Variants in SHISA2 observed in about 807,000 individuals in gnomAD.
SHISA2 encodes protein shisa-2 homolog.
Under a neutral mutation model 23.8 loss-of-function variants are expected in SHISA2, and 16 were observed. The observed-to-expected ratio is 0.67, with a 90% CI of 0.46 to 1.02. The LOEUF is 1.02. SHISA2 is among the 50% of genes least tolerant of loss of function. SHISA2 has a pLI of 0.00. For synonymous variants in SHISA2, 201 were observed against 178.6 expected, an observed-to-expected ratio of 1.13 and a Z score of -1.00; for missense variants, 459 against 420.1, an observed-to-expected ratio of 1.09 and a Z score of -0.81.
rs527583363 is a variant in SHISA2, at chr13:26,051,990, G to T, written c.-1015C>A. Among the ~76,000 whole-genome samples the T allele has an allele frequency of 8.8e-4, 134 of 151,836 alleles. No homozygotes were observed. Among genetic ancestry groups the T allele is most frequent in the Non-Finnish European group, 2.5e-4 (17 of 67,916 alleles). ...GCCGCCCACAGCCTCGCCTCGCCCC[G>T]CCCGGCGCCAGACCAGCTCCGACTC... On this transcript the variant is annotated 5_prime_UTR_variant, in exon 1 of 2. Transcript: ENST00000319420.
chr13:26,047,569 T>C (rs575829890), intron 1 of SHISA2, among the ~76,000 whole-genome samples: 11 of 152,352 alleles, frequency 7.2e-5, no homozygotes, highest in African/African-American at 2.2e-4. Flanking sequence ...AGTTCTTTTT[T>C]CATAAGCAGT....
At chr13:26,047,781 G>A (rs1455732836) in intron 1 of SHISA2, among the ~76,000 whole-genome samples, 1 of 152,088 alleles carries the variant, frequency 6.6e-6, no homozygotes, top group African/African-American at 2.4e-5. Flanking sequence ...TCCAGGCATT[G>A]GGCCATCCTG....
In SHISA2 at chr13:26,051,044, C is replaced by G; in HGVS notation, c.-69G>C. 1 of 1,325,410 alleles carries G rather than the reference C, an allele frequency of 7.5e-7. No individual in the cohort carries two copies. Among genetic ancestry groups the G allele is most frequent in the Non-Finnish European group, 9.8e-7 (1 of 1,016,824 alleles). The allele number at this position is 1,325,410 out of a possible 1,614,324, so 82.1% of individuals were successfully genotyped here. A position where few individuals can be genotyped will look rare whatever the true frequency, so the allele number is the denominator to read the frequency against. ...GACGGTCTCCGAGAAGTCGTGGCCC[C>G]GGCGACCCCCGGGCCTCGTCACTGA... On this transcript the variant is annotated 5_prime_UTR_variant, in exon 1 of 2. Transcript: ENST00000319420.
rs999832894 is a variant in SHISA2 at position 26,045,154 on chromosome 13, T to C, written c.*1359A>G. 6.6e-6 allele frequency: 1 copy of C among 152,216 alleles called. No individual in the cohort carries two copies. The highest frequency in any genetic ancestry group is 2.4e-5 in the African/African-American group (1 of 41,464). 9.4% of individuals were successfully genotyped at this position (152,216 alleles called of 1,614,324 possible). ...GCTGAGGAGCTATACTAAGTATCTT[T>C]GTAACACATTTCTTTGAATTTTTAT... On this transcript the variant is annotated 3_prime_UTR_variant, in exon 2 of 2. Coordinates refer to ENST00000319420, the MANE Select transcript of SHISA2 (RefSeq NM_001007538.2).
Position 26,046,544 on chromosome 13 carries a change from TCACTGTTG to T in SHISA2, c.849_856del (p.Asn284ThrfsTer56). ...AGTCACCGCTGGGTACATCTTCTGT[TCACTGTTG>T]GTGTGAGGGAAGGGGGACTGAATCT... is the stretch of plus-strand genomic sequence containing the variant. On this transcript the variant is annotated frameshift_variant, in exon 2 of 2. Coordinates refer to ENST00000319420, the MANE Select transcript of SHISA2 (RefSeq NM_001007538.2). LOFTEE classifies it high-confidence loss of function. 1 of 1,612,506 alleles carries T rather than the reference TCACTGTTG, an allele frequency of 6.2e-7. No homozygotes were observed. The highest frequency in any genetic ancestry group is 2.2e-5 in the East Asian group (1 of 44,860).
chr13:26,044,945 G>C lies in SHISA2; in HGVS notation c.*1568C>G, dbSNP rs1393316981. ...ATGAATACAGTGCCTGTTGAGGCCTGAAAGAGAGAGGAAATCAAGAACAGT... is the reference window on the plus strand; with the variant it reads ...ATGAATACAGTGCCTGTTGAGGCCTCAAAGAGAGAGGAAATCAAGAACAGT... On this transcript the variant is annotated 3_prime_UTR_variant, in exon 2 of 2. Coordinates refer to ENST00000319420, the MANE Select transcript of SHISA2 (RefSeq NM_001007538.2). The C allele has an allele frequency of 6.6e-6, 1 of 152,170 alleles. No individual in the cohort carries two copies. The highest frequency in any genetic ancestry group is 1.9e-4 in the East Asian group (1 of 5,194). The allele number at this position is 152,170 out of a possible 1,614,324, so 9.4% of individuals were successfully genotyped here.
In SHISA2 at chr13:26,046,415, C is replaced by T. The variant is rs188381953; in HGVS notation, c.*98G>A. On this transcript the variant is annotated 3_prime_UTR_variant, in exon 2 of 2. Coordinates refer to ENST00000319420, the MANE Select transcript of SHISA2 (RefSeq NM_001007538.2). ...GGCAAATGAAGCCATCCAAAGGAAT[C>T]GTGCCATAAATACCACCGACATGTG... The T allele has an allele frequency of 1.8e-3, 2,291 of 1,259,580 alleles. 5 individuals carry two copies. The highest frequency in any genetic ancestry group is 2.5e-3 in the Admixed American group (94 of 37,870). 78.0% of individuals were successfully genotyped at this position (1,259,580 alleles called of 1,614,324 possible).
intron 1 of SHISA2, among the ~76,000 whole-genome samples, chr13:26,048,891 T>G (rs1957282795): frequency 6.6e-6 from 1 of 152,198 alleles, no homozygotes; most frequent in Non-Finnish European, 1.5e-5. Flanking sequence ...CTTTAGCAGG[T>G]AGAAACATTT....
Position 26,046,421 on chromosome 13 carries a change from A to C in SHISA2, c.*92T>G. The C allele has an allele frequency of 1.5e-6, 2 of 1,354,454 alleles. No homozygotes were observed. Among genetic ancestry groups the C allele is most frequent in the Non-Finnish European group, 2.0e-6 (2 of 1,006,232 alleles). The allele number at this position is 1,354,454 out of a possible 1,614,324, so 83.9% of individuals were successfully genotyped here. On this transcript the variant is annotated 3_prime_UTR_variant, in exon 2 of 2. Transcript: ENST00000319420. ...TGAAGCCATCCAAAGGAATCGTGCCATAAATACCACCGACATGTGCGGACT... is the reference window on the plus strand; with the variant it reads ...TGAAGCCATCCAAAGGAATCGTGCCCTAAATACCACCGACATGTGCGGACT...
chr13:26,050,655 G>A lies in SHISA2; in HGVS notation c.321C>T (p.Pro107=), dbSNP rs1019526400. ...GEPGRADKDG[P]DGSAVPIYVP... is the part of the protein sequence containing the mutation. ...AGGCCGCCCTACCTGCCGAGCCGTC[G>A]GGGCCGTCTTTGTCCGCCCGGCCAG... Residue 107 remains proline, a synonymous_variant, in exon 1 of 2, where the codon CCC becomes CCT. Coordinates refer to ENST00000319420, the MANE Select transcript of SHISA2 (RefSeq NM_001007538.2). The A allele has an allele frequency of 1.4e-6, 2 of 1,420,018 alleles. No individual in the cohort carries two copies. The highest frequency in any genetic ancestry group is 3.0e-5 in the East Asian group (1 of 33,438). The allele number at this position is 1,420,018 out of a possible 1,614,324, so 88.0% of individuals were successfully genotyped here.
intron 1 of SHISA2, among the ~76,000 whole-genome samples, chr13:26,049,179 G>A (rs1298277128): frequency 6.6e-6 from 1 of 152,190 alleles, no homozygotes; most frequent in African/African-American, 2.4e-5. Flanking sequence ...AGAAATAAGT[G>A]TTCTCTTTCC....
rs1291808748 is a variant in SHISA2 at position 26,051,841 on chromosome 13, C to G, written c.-866G>C. On this transcript the variant is annotated 5_prime_UTR_variant, in exon 1 of 2. Transcript: ENST00000319420. Reference sequence around the variant, plus strand: ...GCTGCAGCGCGGTCCCACAGGAGCCCGGCAGCCTCCGGCCGGCTCTCCCTC... The same window carrying G: ...GCTGCAGCGCGGTCCCACAGGAGCCGGGCAGCCTCCGGCCGGCTCTCCCTC... Among the ~76,000 whole-genome samples, 1 of 152,162 alleles carries G rather than the reference C, an allele frequency of 6.6e-6. No homozygotes were observed. Among genetic ancestry groups the G allele is most frequent in the South Asian group, 2.1e-4 (1 of 4,836 alleles).
chr13:26,048,934 C>G (rs1025535644), intron 1 of SHISA2, among the ~76,000 whole-genome samples: 10 of 152,320 alleles, frequency 6.6e-5, no homozygotes, highest in Admixed American at 6.5e-4. Context: ...TGGCGCCCAG[C>G]AGTAGAACTG....
rs754315154 is a variant in SHISA2 at position 26,046,937 on chromosome 13, G to T, written c.464C>A (p.Pro155Gln). Residue 155 changes from proline to glutamine, a missense_variant, in exon 2 of 2, where the codon CCA (proline) becomes CAA (glutamine). Pro to Gln is a moderately conservative substitution (Grantham distance 76). Coordinates refer to ENST00000319420, the MANE Select transcript of SHISA2 (RefSeq NM_001007538.2). ...PKQDPQQSRA[P>Q]GGNRLMETIP... The stretch of plus-strand genomic sequence containing the variant: ...GGTCTCCATCAAGCGGTTACCCCCT[G>T]GGGCTCGGCTCTGCTGGGGATCCTG... 8 of 1,613,314 alleles carry T rather than the reference G, an allele frequency of 5.0e-6. No homozygotes were observed. Among genetic ancestry groups the T allele is most frequent in the Non-Finnish European group, 5.9e-6 (7 of 1,179,638 alleles).
rs530008497 is a variant in SHISA2 at position 26,046,605 on chromosome 13, T to A, written c.796A>T (p.Met266Leu). 6.2e-7 allele frequency: 1 copy of A among 1,614,086 alleles called. No individual in the cohort carries two copies. The highest frequency in any genetic ancestry group is 8.5e-7 in the Non-Finnish European group (1 of 1,180,010). The change falls in exon 2 of 2, where the codon ATG becomes TTG. Residue 266 changes from methionine to leucine, a missense_variant. Physicochemically the swap from Met to Leu is conservative, Grantham distance 15. Coordinates refer to ENST00000319420, the MANE Select transcript of SHISA2 (RefSeq NM_001007538.2). ...SVPMTAVPPFMDGLQPGYRQI... is the reference protein window; with the variant it reads ...SVPMTAVPPFLDGLQPGYRQI... ...CTGTAGCCAGGCTGCAGGCCGTCCA[T>A]GAAAGGTGGCACAGCTGTCATGGGC...
chr13:26,047,253 G>A (rs1957275042), intron 1 of SHISA2, among the ~76,000 whole-genome samples, 187 bp from the exon 2 acceptor site: 1 of 152,116 alleles, frequency 6.6e-6, no homozygotes, highest in African/African-American at 2.4e-5. Flanking sequence ...TGCTTAGAAA[G>A]GTCCTAAGAC....
rs1242648452 is a variant in SHISA2 at position 26,051,093 on chromosome 13, G to A, written c.-118C>T. The A allele has an allele frequency of 2.0e-5, 19 of 940,322 alleles. No homozygotes were observed. The highest frequency in any genetic ancestry group is 6.5e-5 in the East Asian group (2 of 30,880). The allele number at this position is 940,322 out of a possible 1,614,324, so 58.2% of individuals were successfully genotyped here. A position where few individuals can be genotyped will look rare whatever the true frequency, so the allele number is the denominator to read the frequency against. ...GACTGTCCCGCGGCGCTTTCCGCGC[G>A]GGCCACTCCCCTCTGCCGCGACGCC... On this transcript the variant is annotated 5_prime_UTR_variant, in exon 1 of 2. Coordinates refer to ENST00000319420, the MANE Select transcript of SHISA2 (RefSeq NM_001007538.2).
rs2137483995 is a variant in SHISA2 at position 26,044,994 on chromosome 13, CG to C, written c.*1518del. On this transcript the variant is annotated 3_prime_UTR_variant, in exon 2 of 2. Transcript: ENST00000319420. ...GTGTGGGAGAAGAAAGGCAATCCTT[CG>C]TTGAAAAGCTTTTCTCTTAACAATC... is the stretch of plus-strand genomic sequence containing the variant. 6.6e-6 allele frequency: 1 copy of C among 152,240 alleles called. No homozygotes were observed. Among genetic ancestry groups the C allele is most frequent in the East Asian group, 1.9e-4 (1 of 5,180 alleles). The allele number at this position is 152,240 out of a possible 1,614,324, so 9.4% of individuals were successfully genotyped here.
At chr13:26,050,363 C>T (rs1957293662) in intron 1 of SHISA2, among the ~76,000 whole-genome samples, 1 of 152,160 alleles carries the variant, frequency 6.6e-6, no homozygotes, top group East Asian at 1.9e-4. Flanking sequence ...GGACCCTGGT[C>T]AGAAGGAATA....
Sources: gnomAD v4.1 joint callset for allele counts (sites outside exome capture counted in the v4.1 genomes callset) on GRCh38, gnomAD v4.1.1 for gene constraint, MANE v1.5 for transcripts, NCBI Gene and HGNC (gene_info 2026-07-23, HGNC 2026-07-21) for gene names.